The following AHNAK variants were observed in gnomAD, a reference collection of about 807,000 sequenced individuals.
The protein encoded by AHNAK is AHNAK nucleoprotein, also known as neuroblast differentiation-associated protein AHNAK.
AHNAK carries 23 observed loss-of-function variants against 37.8 expected under a neutral mutation model. The ratio of observed to expected loss-of-function variants is 0.61; its 90% CI spans 0.44 to 0.86. The LOEUF is 0.86. AHNAK is among the 40% of genes least tolerant of loss of function. AHNAK has a pLI of 0.00. For synonymous variants in AHNAK, 2,481 were observed against 2,636.3 expected (o/e 0.94, Z 1.80); for missense variants, 7,411 against 7,319.4 (o/e 1.01, Z -0.46).
Position 62,529,209 on chromosome 11 carries a change from C to A in AHNAK, c.5208G>T (p.Leu1736=), listed in dbSNP as rs1187887612. The change falls in exon 5 of 5, where the codon CTG becomes CTT. Residue 1736 remains leucine, a synonymous_variant. Coordinates refer to ENST00000378024, the MANE Select transcript of AHNAK (RefSeq NM_001620.3). ...KAEGPEVDVN[L]PKADIDVSGP... is the part of the protein sequence containing the mutation. ...CAGACACATCAATGTCAGCCTTTGG[C>A]AGATTCACATCCACTTCAGGGCCCT... 10 of 1,614,084 alleles carry A rather than the reference C, an allele frequency of 6.2e-6. No individual in the cohort carries two copies. Among genetic ancestry groups the A allele is most frequent in the African/African-American group, 1.3e-5 (1 of 74,924 alleles).
chr11:62,538,709 C>G (rs1378783310), intron 1 of AHNAK, among the ~76,000 whole-genome samples: 1 of 152,230 alleles, frequency 6.6e-6, no homozygotes, highest in African/African-American at 2.4e-5. Flanking sequence ...ACCCATGTGC[C>G]AGACAGGGAG....
Position 62,523,090 on chromosome 11 carries a change from C to A in AHNAK, c.11327G>T (p.Gly3776Val). The A allele has an allele frequency of 6.2e-7, 1 of 1,613,794 alleles. No homozygotes were observed. Among genetic ancestry groups the A allele is most frequent in the Admixed American group, 1.7e-5 (1 of 59,976 alleles). Residue 3776 changes from glycine to valine, a missense_variant, in exon 5 of 5, where the codon GGT becomes GTT. Physicochemically the swap from Gly to Val is moderately radical, Grantham distance 109. Transcript: ENST00000378024. ...GGGGCCCTTGATGTCAACTTCAGGA[C>A]CCTTGAGGTCACCTTCCATTTTGGG... Reference protein sequence around the residue: ...SLPKMEGDLKGPEVDIKGPKV... With the variant: ...SLPKMEGDLKVPEVDIKGPKV...
At chr11:62,463,464 G>GCCTCCAT (rs1321199906) in intron 5 of AHNAK, among the ~76,000 whole-genome samples, 7 of 151,294 alleles carry the variant, frequency 4.6e-5, no homozygotes, top group Admixed American at 3.3e-4. Flanking sequence ...CCATCCTCCA[G>GCCTCCAT]CCTCCAGCCT....
rs184919677 is a variant in AHNAK at position 62,452,886 on chromosome 11, G to A, written c.443-18995C>T. 7.2e-5 allele frequency among the ~76,000 whole-genome samples: 11 copies of A among 152,244 alleles called. No individual in the cohort carries two copies. In the East Asian group the frequency reaches 1.2e-3, roughly 16 times the overall value. ...CTAAAAATTAAAAAATTAGCCAGTC[G>A]TGGTGGCACGCACCTGTAGTCCCAG... On this transcript the variant is annotated intron_variant, in intron 5 of 5. Coordinates refer to the AHNAK transcript ENST00000257247.
Position 62,527,875 on chromosome 11 carries a change from G to C in AHNAK, c.6542C>G (p.Thr2181Ser). The C allele has an allele frequency of 6.2e-7, 1 of 1,613,760 alleles. No homozygotes were observed. The highest frequency in any genetic ancestry group is 8.5e-7 in the Non-Finnish European group (1 of 1,179,968). Residue 2181 changes from threonine to serine, a missense_variant, in exon 5 of 5, where the codon ACC becomes AGC. Thr to Ser is a moderately conservative substitution (Grantham distance 58, BLOSUM62 1). Coordinates refer to ENST00000378024, the MANE Select transcript of AHNAK (RefSeq NM_001620.3). ...KFKMPEMHFK[T>S]PKISMPDVNL... The stretch of plus-strand genomic sequence containing the variant: ...CACATCAGGCATGGAGATCTTGGGG[G>C]TCTTGAAGTGCATCTCAGGCATCTT...
At chr11:62,502,411 A>C (rs1025772973) in intron 4 of AHNAK, among the ~76,000 whole-genome samples, 5 of 152,214 alleles carry the variant, frequency 3.3e-5, no homozygotes, top group African/African-American at 1.2e-4. Context: ...CTAAAACCTG[A>C]GAGATCAAGA....
rs35068211 is a variant in AHNAK at position 62,463,930 on chromosome 11, A to AT, written c.442+27801dup. ...AGGCGCCCGCCACCACGCCCGGCTA[A>AT]TTTTTTTTTTTGTATTTTTAGTAGA... is the stretch of plus-strand genomic sequence containing the variant. On this transcript the variant is annotated intron_variant, in intron 5 of 5. Transcript: ENST00000257247. 6.3e-4 allele frequency among the ~76,000 whole-genome samples: 92 copies of AT among 146,398 alleles called. 1 individual carries two copies. The South Asian group carries it at 0.012, about 19-fold the overall frequency.
chr11:62,545,317 C>T (rs562960320), intron 1 of AHNAK, among the ~76,000 whole-genome samples: 11 of 152,348 alleles, frequency 7.2e-5, no homozygotes, highest in African/African-American at 2.4e-4. Context: ...TGTGGGGCCT[C>T]GGCTACAGCT....
chr11:62,519,184 G>A lies in AHNAK; in HGVS notation c.15233C>T (p.Pro5078Leu), dbSNP rs1037382674. 3.7e-6 allele frequency: 6 copies of A among 1,613,302 alleles called. No individual in the cohort carries two copies. Among genetic ancestry groups the A allele is most frequent in the Non-Finnish European group, 5.1e-6 (6 of 1,179,756 alleles). ...DAALKVDVKS[P>L]KTKKTMFGKM... ...TCCAAACATCGTTTTCTTGGTTTTG[G>A]GCGATTTCACGTCGACTTTGAGTGC... The change falls in exon 5 of 5, where the codon CCC (proline) becomes CTC (leucine). Residue 5078 changes from proline to leucine, a missense_variant. By Grantham distance (98) the Pro-to-Leu change is moderately conservative. Coordinates refer to ENST00000378024, the MANE Select transcript of AHNAK (RefSeq NM_001620.3).
At chr11:62,543,122 C>A (rs962894489) in intron 1 of AHNAK, among the ~76,000 whole-genome samples, 2 of 152,196 alleles carry the variant, frequency 1.3e-5, no homozygotes, top group Admixed American at 1.3e-4. Context: ...CCCTCCCTGA[C>A]AGGCCGTGTG....
In AHNAK at chr11:62,519,824, C is replaced by G; in HGVS notation, c.14593G>C (p.Gly4865Arg). 6.2e-7 allele frequency: 1 copy of G among 1,614,154 alleles called. No individual in the cohort carries two copies. Among genetic ancestry groups the G allele is most frequent in the Non-Finnish European group, 8.5e-7 (1 of 1,180,012 alleles). Residue 4865 changes from glycine (G) to arginine (R), a missense_variant, in exon 5 of 5, where the codon GGA becomes CGA. Gly to Arg is a moderately radical substitution (Grantham distance 125). Coordinates refer to ENST00000378024, the MANE Select transcript of AHNAK (RefSeq NM_001620.3). ...DLDLKGPKVK[G>R]DFDVSVPKVE... ...TTAGGGACAGACACATCAAAATCTC[C>G]TTTTACTTTGGGTCCTTTCAAATCC... is the stretch of plus-strand genomic sequence containing the variant.
intron 4 of AHNAK, among the ~76,000 whole-genome samples, chr11:62,493,080 C>G (rs1298368424): frequency 6.8e-6 from 1 of 146,168 alleles, no homozygotes. Context: ...GGCCAGATCT[C>G]AGCTCACCAC....
chr11:62,526,949 T>G lies in AHNAK; in HGVS notation c.7468A>C (p.Arg2490=), dbSNP rs1422127390. 4 of 1,614,044 alleles carry G rather than the reference T, an allele frequency of 2.5e-6. No homozygotes were observed. The highest frequency in any genetic ancestry group is 1.6e-4 in the Middle Eastern group (1 of 6,084). The change falls in exon 5 of 5, where the codon AGG becomes CGG. Residue 2490 remains arginine (R), a synonymous_variant. Coordinates refer to ENST00000378024, the MANE Select transcript of AHNAK (RefSeq NM_001620.3). ...GKLEVPDMNI[R]GPKVDVNAPD... The stretch of plus-strand genomic sequence containing the variant: ...GCATTTACATCAACTTTGGGGCCCC[T>G]GATGTTCATATCTGGTACTTCAAGT...
chr11:62,539,101 C>T (rs1031755977), intron 1 of AHNAK, among the ~76,000 whole-genome samples: 2 of 152,162 alleles, frequency 1.3e-5, no homozygotes, highest in Admixed American at 1.3e-4. Context: ...AACACCTCCT[C>T]CCTTCCGGCT....
Position 62,531,783 on chromosome 11 carries a change from G to A in AHNAK, c.2634C>T (p.Pro878=), listed in dbSNP as rs766369837. The change falls in exon 5 of 5, where the codon CCC becomes CCT. Residue 878 remains proline, a synonymous_variant. Coordinates refer to ENST00000378024, the MANE Select transcript of AHNAK (RefSeq NM_001620.3). ...VQGPDWHLKM[P]KMKMPKFSMP... ...TGCTGAACTTGGGCATTTTCATCTT[G>A]GGCATCTTCAGGTGCCAGTCTGGGC... 1 of 1,613,428 alleles carries A rather than the reference G, an allele frequency of 6.2e-7. No homozygotes were observed. The highest frequency in any genetic ancestry group is 1.1e-5 in the South Asian group (1 of 91,048).
Position 62,518,822 on chromosome 11 carries a change from C to T in AHNAK, c.15595G>A (p.Val5199Met), listed in dbSNP as rs1430510473. 1.2e-6 allele frequency: 2 copies of T among 1,614,262 alleles called. No homozygotes were observed. The highest frequency in any genetic ancestry group is 2.2e-5 in the East Asian group (1 of 44,884). Residue 5199 changes from valine (V) to methionine (M), a missense_variant, in exon 5 of 5, where the codon GTG becomes ATG. Val to Met is a conservative substitution (Grantham distance 21, BLOSUM62 1). Coordinates refer to ENST00000378024, the MANE Select transcript of AHNAK (RefSeq NM_001620.3). Reference sequence around the variant, plus strand: ...TTTGGTCCTTTCAAGTTTACATTCACATCAGGGATGGAGACTTGAGGGGCA... The same window carrying T: ...TTTGGTCCTTTCAAGTTTACATTCATATCAGGGATGGAGACTTGAGGGGCA... ...ISAPQVSIPD[V>M]NVNLKGPKIK...
Position 62,528,147 on chromosome 11 carries a change from A to C in AHNAK, c.6270T>G (p.Asp2090Glu), listed in dbSNP as rs952752817. 1 of 1,613,242 alleles carries C rather than the reference A, an allele frequency of 6.2e-7. No homozygotes were observed. The highest frequency in any genetic ancestry group is 8.5e-7 in the Non-Finnish European group (1 of 1,179,850). The change falls in exon 5 of 5, where the codon GAT becomes GAG. Residue 2090 changes from aspartate to glutamate, a missense_variant. By Grantham distance (45) the Asp-to-Glu change is conservative (BLOSUM62 2). Transcript: ENST00000378024. ...TCCCTTCTGGACCTTCAAGGCTCAC[A>C]TCTGGGACTTCAACATCCACCTTGG... ...SGPKVDVEVPDVSLEGPEGKL... is the reference protein window; with the variant it reads ...SGPKVDVEVPEVSLEGPEGKL...
At chr11:62,541,796 G>C (rs1283210010) in intron 1 of AHNAK, 1 of 152,226 alleles carries the variant, frequency 6.6e-6, no homozygotes, top group Non-Finnish European at 1.5e-5. Context: ...AGACAGAGTT[G>C]AAATGCAAGC....
At chr11:62,449,816 A>AAT (rs1373952209) in intron 5 of AHNAK, among the ~76,000 whole-genome samples, 1 of 152,238 alleles carries the variant, frequency 6.6e-6, no homozygotes, top group African/African-American at 2.4e-5. Flanking sequence ...TGTGGGATTC[A>AAT]ATGAGTTGAC....
Sources: allele counts gnomAD v4.1 joint callset (sites outside exome capture counted in the v4.1 genomes callset), GRCh38; gene constraint gnomAD v4.1.1; transcripts MANE v1.5; gene names NCBI Gene and HGNC (gene_info 2026-07-23, HGNC 2026-07-21).